DIAPH2: variants seen among roughly 807,000 people sequenced by gnomAD.
DIAPH2 encodes the protein diaphanous related formin 2, also known as protein diaphanous homolog 2.
Under a neutral mutation model 92.7 loss-of-function variants are expected in DIAPH2, and 35 were observed. The ratio of observed to expected loss-of-function variants is 0.38; its 90% CI spans 0.29 to 0.50. The LOEUF is 0.50. DIAPH2 is among the 20% of genes least tolerant of loss of function. DIAPH2 has a pLI of 0.94. For missense variants in DIAPH2, 701 were observed against 819.5 expected, an observed-to-expected ratio of 0.86 and a Z score of 1.77; for synonymous variants, 301 against 280.4, an observed-to-expected ratio of 1.07 and a Z score of -0.73.
chrX:97,268,417 T>C (rs751087282), intron 23 of DIAPH2, among the ~76,000 whole-genome samples: 1 of 112,856 alleles, frequency 8.9e-6, no homozygotes, highest in Non-Finnish European at 1.9e-5. Context: ...AGAAGACTTG[T>C]GTCATCACAC....
At chrX:97,124,489 T>TA (rs2067078275) in intron 21 of DIAPH2, among the ~76,000 whole-genome samples, 1 of 112,611 alleles carries the variant, frequency 8.9e-6, no homozygotes. Context: ...TACAATACTA[T>TA]AGGTTGTGTG....
At chrX:97,293,493 T>C (rs5920899) in intron 23 of DIAPH2, among the ~76,000 whole-genome samples, 9,266 of 110,416 alleles carry the variant, frequency 0.084, 526 homozygotes, top group African/African-American at 0.21. Context: ...CCTCGTAATC[T>C]GCCCACCTTG....
At chrX:97,101,847 T>C (rs2066907796) in intron 20 of DIAPH2, among the ~76,000 whole-genome samples, 1 of 112,355 alleles carries the variant, frequency 8.9e-6, no homozygotes, top group Non-Finnish European at 1.9e-5. Flanking sequence ...AGGTGTATGC[T>C]GAAATTCAAT....
At chrX:96,824,223 C>G (rs2064797662) in intron 4 of DIAPH2, among the ~76,000 whole-genome samples, 1 of 110,439 alleles carries the variant, frequency 9.1e-6, no homozygotes, top group Non-Finnish European at 1.9e-5. Flanking sequence ...TTTTAATGGG[C>G]TGGGAAGCTA....
intron 17 of DIAPH2, among the ~76,000 whole-genome samples, chrX:97,020,704 A>G (rs2066291767): frequency 8.9e-6 from 1 of 112,178 alleles, no homozygotes; most frequent in South Asian, 3.7e-4. Flanking sequence ...TGAGTAGCAT[A>G]CACATTGTGG....
chrX:97,165,745 C>T (rs1374023800), intron 22 of DIAPH2, among the ~76,000 whole-genome samples: 1 of 109,767 alleles, frequency 9.1e-6, no homozygotes, highest in Non-Finnish European at 1.9e-5. Context: ...TCAAGTGATC[C>T]TCCCGCCTCG....
chrX:96,921,227 AT>A lies in DIAPH2; in HGVS notation c.978+2618del, dbSNP rs955254508. Among the ~76,000 whole-genome samples the A allele has an allele frequency of 2.7e-5, 3 of 111,079 alleles. No individual in the cohort carries two copies. The South Asian group carries it at 1.1e-3, about 42-fold the overall frequency. On this transcript the variant is annotated intron_variant, in intron 9 of 26. Transcript: ENST00000324765. ...AAAAAAGGTTATTAACTTCTCACAG[AT>A]TTTTTTTCCTAGCTTTTAAAGTGAA...
At chrX:96,799,823 T>C (rs762051571) in intron 4 of DIAPH2, among the ~76,000 whole-genome samples, 112 of 109,302 alleles carry the variant, frequency 1.0e-3, no homozygotes, top group Middle Eastern at 4.7e-3. Flanking sequence ...TAAAATAAAA[T>C]GAAATAAACC....
At chrX:96,907,497 G>A (rs1486202794) in intron 5 of DIAPH2, among the ~76,000 whole-genome samples, 1 of 112,145 alleles carries the variant, frequency 8.9e-6, no homozygotes, top group African/African-American at 3.2e-5. Flanking sequence ...TAAGGATGTG[G>A]TTGAAATAAG....
intron 26 of DIAPH2, among the ~76,000 whole-genome samples, chrX:97,489,996 T>C (rs2070714636): frequency 8.9e-6 from 1 of 111,825 alleles, no homozygotes. Context: ...TTGGGGTTAA[T>C]TCTTCATTAA....
At chrX:97,053,664 G>A (rs2147896053) in intron 17 of DIAPH2, among the ~76,000 whole-genome samples, 1 of 111,480 alleles carries the variant, frequency 9.0e-6, no homozygotes, top group East Asian at 2.8e-4. Context: ...CAAGAACTAT[G>A]TTCTGTCGAT....
intron 23 of DIAPH2, among the ~76,000 whole-genome samples, chrX:97,281,213 A>G (rs530088871): frequency 1.8e-5 from 2 of 111,946 alleles, no homozygotes; most frequent in African/African-American, 6.5e-5. Flanking sequence ...ATGTGTATTT[A>G]TATATAAACA....
intron 26 of DIAPH2, among the ~76,000 whole-genome samples, chrX:97,491,571 C>A (rs1022563722): frequency 9.1e-6 from 1 of 110,244 alleles, no homozygotes. Flanking sequence ...CCACCACACC[C>A]GGCTAATTTT....
At chrX:96,845,765 C>G (rs1159997386) in intron 4 of DIAPH2, among the ~76,000 whole-genome samples, 1 of 111,368 alleles carries the variant, frequency 9.0e-6, no homozygotes, top group African/African-American at 3.3e-5. Flanking sequence ...GCAAAAACAC[C>G]ATTTATAGTT....
intron 26 of DIAPH2, among the ~76,000 whole-genome samples, chrX:97,573,276 C>T (rs936583934): frequency 4.5e-5 from 5 of 111,346 alleles, no homozygotes; most frequent in Non-Finnish European, 9.4e-5. Flanking sequence ...AGTTTCAATG[C>T]TGTGGTCCAA....
rs1261116837 is a variant in DIAPH2 at position 96,962,440 on chromosome X, TACATATATAC to T, written c.1936-2649_1936-2640del. On this transcript the variant is annotated intron_variant, in intron 16 of 26. Coordinates refer to ENST00000324765, the MANE Select transcript of DIAPH2 (RefSeq NM_006729.5). ...ATACACATATATATACATATATATA[TACATATATAC>T]ACACACATATATATATACATATATA... Among the ~76,000 whole-genome samples, 111 of 70,222 alleles carry T rather than the reference TACATATATAC, an allele frequency of 1.6e-3. 5 individuals carry two copies. Among genetic ancestry groups the T allele is most frequent in the Non-Finnish European group, 1.9e-3 (78 of 40,750 alleles). 61.0% of individuals were successfully genotyped at this position (70,222 alleles called of 115,157 possible). A position where few individuals can be genotyped will look rare whatever the true frequency, so the allele number is the denominator to read the frequency against.
intron 26 of DIAPH2, among the ~76,000 whole-genome samples, chrX:97,496,075 A>G (rs2070755479): frequency 9.0e-6 from 1 of 110,658 alleles, no homozygotes; most frequent in Non-Finnish European, 1.9e-5. Context: ...GGCAGAAACT[A>G]TCCCAGAAAG....
At chrX:97,554,576 C>T (rs757079794) in intron 26 of DIAPH2, among the ~76,000 whole-genome samples, 2 of 111,831 alleles carry the variant, frequency 1.8e-5, no homozygotes, top group East Asian at 5.6e-4. Context: ...CTGCTCTGGA[C>T]TCACATTAGT....
chrX:97,196,058 T>G (rs750476840), intron 22 of DIAPH2, among the ~76,000 whole-genome samples: 2 of 111,842 alleles, frequency 1.8e-5, no homozygotes, highest in East Asian at 5.6e-4. Flanking sequence ...TTTTCAAATA[T>G]GAGAAAAATA....
Sources: gnomAD v4.1 joint callset for allele counts (sites outside exome capture counted in the v4.1 genomes callset) on GRCh38, gnomAD v4.1.1 for gene constraint, MANE v1.5 for transcripts, NCBI Gene and HGNC (gene_info 2026-07-23, HGNC 2026-07-21) for gene names.